Variants in ALDH1A2 observed in about 807,000 individuals in gnomAD.
The protein encoded by ALDH1A2 is aldehyde dehydrogenase 1 family member A2.
In ALDH1A2, 27 loss-of-function variants were observed where a neutral mutation model predicts 60.3. The ratio of observed to expected loss-of-function variants is 0.45; its 90% CI spans 0.33 to 0.62. The LOEUF (loss-of-function observed/expected upper bound fraction) is 0.62. Ranked by LOEUF, ALDH1A2 falls within the 20% of genes least tolerant of loss-of-function variation. The pLI is 0.02. For synonymous variants in ALDH1A2, 289 were observed against 232.4 expected (o/e 1.24, Z -2.21); for missense variants, 581 against 643.8 (o/e 0.90, Z 1.06).
In ALDH1A2 at chr15:57,960,799, T is replaced by TCC. The variant is rs1566928389; in HGVS notation, c.1453_1454dup (p.Phe486AspfsTer25). On this transcript the variant is annotated frameshift_variant, in exon 12 of 13. Coordinates refer to ENST00000249750, the MANE Select transcript of ALDH1A2 (RefSeq NM_003888.4). LOFTEE classifies it high-confidence loss of function. ...CTCTCCCATTTCCAGACATCTTGAATCCCCCAAAGGGGCTCTGGGCATTTA... is the reference window on the plus strand; with the variant it reads ...CTCTCCCATTTCCAGACATCTTGAATCCCCCCCAAAGGGGCTCTGGGCATTTA... 6.2e-7 allele frequency: 1 copy of TCC among 1,613,948 alleles called. No homozygotes were observed. Among genetic ancestry groups the TCC allele is most frequent in the Non-Finnish European group, 8.5e-7 (1 of 1,179,900 alleles).
At chr15:58,022,507 G>A (rs1280725383) in intron 1 of ALDH1A2, among the ~76,000 whole-genome samples, 1 of 152,040 alleles carries the variant, frequency 6.6e-6, no homozygotes, top group East Asian at 1.9e-4. Context: ...CCAACCACCT[G>A]GTCCACTGCT....
intron 4 of ALDH1A2, among the ~76,000 whole-genome samples, chr15:58,006,705 C>T (rs1314065222): frequency 5.8e-5 from 8 of 138,750 alleles, no homozygotes; most frequent in African/African-American, 8.0e-5. Context: ...AAATTATGGA[C>T]TTTTTTTTTT....
chr15:57,958,020 G>T (rs1893589168), intron 12 of ALDH1A2, among the ~76,000 whole-genome samples: 1 of 152,132 alleles, frequency 6.6e-6, no homozygotes, highest in Admixed American at 6.5e-5. Context: ...TGGAACGGAG[G>T]TGCTTCTCTG....
At chr15:58,030,167 A>G (rs1896194948) in intron 1 of ALDH1A2, among the ~76,000 whole-genome samples, 1 of 152,232 alleles carries the variant, frequency 6.6e-6, no homozygotes, top group Non-Finnish European at 1.5e-5. Context: ...CAAATCCAGC[A>G]GCACATCAAA....
Position 57,992,814 on chromosome 15 carries a change from C to T in ALDH1A2, c.689G>A (p.Gly230Asp). ...LYMGALIKEA[G>D]FPPGVINILP... ...AATATTGATGACCCCGGGAGGAAAG[C>T]CAGCCTAAGAAAACAGAACAGGAGG... Residue 230 changes from glycine to aspartate, a missense_variant, in exon 7 of 13, where the codon GGC becomes GAC. Gly to Asp is a moderately conservative substitution (Grantham distance 94). Around this residue, in one of 2 missense-constraint regions of ALDH1A2, gnomAD observed 375 missense variants for 469.7 expected, o/e 0.80. Coordinates refer to ENST00000249750, the MANE Select transcript of ALDH1A2 (RefSeq NM_003888.4). The T allele has an allele frequency of 6.2e-7, 1 of 1,614,032 alleles. No individual in the cohort carries two copies. The highest frequency in any genetic ancestry group is 8.5e-7 in the Non-Finnish European group (1 of 1,179,964).
intron 3 of ALDH1A2, among the ~76,000 whole-genome samples, chr15:58,012,950 A>C (rs967304303): frequency 6.6e-6 from 1 of 152,172 alleles, no homozygotes; most frequent in Non-Finnish European, 1.5e-5. Context: ...TGTATAGTGC[A>C]TACATTCCTA....
chr15:58,055,556 TATAC>T (rs1896874549), intron 1 of ALDH1A2, among the ~76,000 whole-genome samples: 1 of 151,994 alleles, frequency 6.6e-6, no homozygotes, highest in Non-Finnish European at 1.5e-5. Flanking sequence ...GCTCAGAGAA[TATAC>T]ATTCATTATC....
At chr15:57,984,772 T>C (rs1352633147) in intron 7 of ALDH1A2, among the ~76,000 whole-genome samples, 1 of 152,198 alleles carries the variant, frequency 6.6e-6, no homozygotes, top group Non-Finnish European at 1.5e-5. Context: ...TTAATGGACA[T>C]TTGAGTTGTT....
chr15:58,059,122 T>A (rs959506902), intron 1 of ALDH1A2, among the ~76,000 whole-genome samples: 2 of 152,196 alleles, frequency 1.3e-5, no homozygotes, highest in African/African-American at 2.4e-5. Context: ...AGTAGAGAAA[T>A]ACCAGTGATA....
chr15:58,061,610 CA>C (rs1216992550), intron 1 of ALDH1A2, among the ~76,000 whole-genome samples: 2,805 of 100,346 alleles, frequency 0.028, 140 homozygotes, highest in African/African-American at 0.082. Flanking sequence ...AAAAAAAAAA[CA>C]AAAAAAAAAA....
At chr15:57,986,228 A>T (rs1421568791) in intron 7 of ALDH1A2, among the ~76,000 whole-genome samples, 3 of 152,170 alleles carry the variant, frequency 2.0e-5, no homozygotes, top group Non-Finnish European at 2.9e-5. Flanking sequence ...AGAGAAAAGG[A>T]AATCCTTTTG....
Position 58,013,735 on chromosome 15 carries a change from G to A in ALDH1A2, c.363+123C>T. The A allele has an allele frequency of 3.7e-6, 5 of 1,337,254 alleles. No individual in the cohort carries two copies. In the East Asian group the frequency reaches 1.1e-4, roughly 30 times the overall value. 82.8% of individuals were successfully genotyped at this position (1,337,254 alleles called of 1,614,324 possible). A position where few individuals can be genotyped will look rare whatever the true frequency, so the allele number is the denominator to read the frequency against. On this transcript the variant is annotated intron_variant, in intron 3 of 12. Transcript: ENST00000249750. ...CCACTGCGCTCCAGCCTGGGCGACA[G>A]AGCTAGACTCCGTCTCAAAAAATAA...
At chr15:57,979,911 C>T (rs1207102674) in intron 7 of ALDH1A2, 1 of 361,950 alleles carries the variant, frequency 2.8e-6, no homozygotes, top group South Asian at 2.8e-5. Flanking sequence ...TCTGCAGGGA[C>T]ATGGAGGAAT....
In ALDH1A2 at chr15:57,962,015, C is replaced by G; in HGVS notation, c.1248G>C (p.Glu416Asp). 1.9e-6 allele frequency: 3 copies of G among 1,614,110 alleles called. No homozygotes were observed. The South Asian group carries it at 3.3e-5, about 18-fold the overall frequency. Reference sequence around the variant, plus strand: ...GTAAGAACAGCATATTTGATACCTCCTCCTTGGCAATCCGCATATCATCAG... The same window carrying G: ...GTAAGAACAGCATATTTGATACCTCGTCCTTGGCAATCCGCATATCATCAG... ...NVTDDMRIAK[E>D]EIFGPVQEIL... The change falls in exon 10 of 13, where the codon GAG becomes GAC. Residue 416 changes from glutamate to aspartate, a missense_variant. Coordinates refer to ENST00000249750, the MANE Select transcript of ALDH1A2 (RefSeq NM_003888.4).
chr15:58,064,619 C>G (rs545354230), intron 1 of ALDH1A2, among the ~76,000 whole-genome samples: 10 of 152,198 alleles, frequency 6.6e-5, no homozygotes, highest in African/African-American at 2.2e-4. Flanking sequence ...AAAATCAAAC[C>G]AGAGAACTAC....
chr15:58,030,200 T>C (rs937612006), intron 1 of ALDH1A2, among the ~76,000 whole-genome samples: 2 of 152,330 alleles, frequency 1.3e-5, no homozygotes, highest in East Asian at 1.9e-4. Flanking sequence ...CACAATCAAG[T>C]TGGCTTCATC....
At chr15:58,031,859 G>A (rs1467086870) in intron 1 of ALDH1A2, among the ~76,000 whole-genome samples, 10 of 152,084 alleles carry the variant, frequency 6.6e-5, no homozygotes, top group Admixed American at 5.9e-4. Flanking sequence ...GAAACAACAG[G>A]TGCTGGAGAG....
At chr15:57,965,676 C>T (rs1338778214) in intron 8 of ALDH1A2, 49 bp downstream of exon 8, 8 of 1,319,100 alleles carry the variant, frequency 6.1e-6, no homozygotes, top group Non-Finnish European at 8.8e-6. Context: ...TAAAAGAGAG[C>T]ACCAAAGGGT....
chr15:57,969,867 C>T (rs904370678), intron 7 of ALDH1A2, among the ~76,000 whole-genome samples: 1 of 152,162 alleles, frequency 6.6e-6, no homozygotes, highest in Non-Finnish European at 1.5e-5. Context: ...TAATTATAAC[C>T]ATATTTAGGC....
Sources: gnomAD v4.1 joint callset for allele counts (sites outside exome capture counted in the v4.1 genomes callset) on GRCh38, gnomAD v4.1.1 for gene constraint, gnomAD v4.1.1 regional missense constraint, MANE v1.5 for transcripts, NCBI Gene and HGNC (gene_info 2026-07-23, HGNC 2026-07-21) for gene names.